The following DGUOK variants were observed in gnomAD, a reference collection of about 807,000 sequenced individuals.
DGUOK encodes the protein deoxyguanosine kinase, mitochondrial.
DGUOK carries 30 observed loss-of-function variants against 36.6 expected under a neutral mutation model. The ratio of observed to expected loss-of-function variants is 0.82; its 90% confidence interval spans 0.61 to 1.11. The LOEUF (loss-of-function observed/expected upper bound fraction) is 1.11, where lower values mean the gene tolerates loss of function less well. Ranked by LOEUF, DGUOK falls within the 50% of genes most tolerant of loss-of-function variation. The pLI, the probability that DGUOK is intolerant of heterozygous loss-of-function variation, is 0.00. For missense variants in DGUOK, 361 were observed against 336.4 expected, an observed-to-expected ratio of 1.07 and a Z score of -0.57; for synonymous variants, 145 against 126.3, an observed-to-expected ratio of 1.15 and a Z score of -0.99.
intron 2 of DGUOK, among the ~76,000 whole-genome samples, chr2:73,939,948 CTGGGG>C (rs905173301): frequency 4.1e-5 from 6 of 147,896 alleles, no homozygotes; most frequent in African/African-American, 1.5e-4. Context: ...GTCACCCAGG[CTGGGG>C]TGCAATGGTG....
chr2:73,938,819 G>C lies in DGUOK; in HGVS notation c.143-91G>C, dbSNP rs550134574. On this transcript the variant is annotated intron_variant, in intron 1 of 6. Transcript: ENST00000264093. ...TCAGAAAACTAATACTTGTTCCCTT[G>C]AGTTTGGGCGTTTGTGGCAGAGTTT... is the stretch of plus-strand genomic sequence containing the variant. 3.2e-4 allele frequency: 275 copies of C among 852,472 alleles called. 1 individual carries two copies. The highest frequency in any genetic ancestry group is 4.9e-4 in the Non-Finnish European group (240 of 487,286). 52.8% of individuals were successfully genotyped at this position (852,472 alleles called of 1,614,324 possible).
At chr2:73,956,482 A>C (rs6747283) in intron 4 of DGUOK, among the ~76,000 whole-genome samples, 6,355 of 152,288 alleles carry the variant, frequency 0.042, 431 homozygotes, top group African/African-American at 0.14. Flanking sequence ...GCCGTACTAC[A>C]GACGGGTGGA....
chr2:73,958,220 C>CCAAACAAGAAGACCTCATGA lies in DGUOK; in HGVS notation c.783_802dup (p.Arg268ThrfsTer7). ...AATGATGATTTTTCTGAGGAAGTAA[C>CCAAACAAGAAGACCTCATGA]CAAACAAGAAGACCTCATGAGAGAG... On this transcript the variant is annotated frameshift_variant, in exon 6 of 7. Coordinates refer to ENST00000264093, the MANE Select transcript of DGUOK (RefSeq NM_080916.3). LOFTEE classifies it high-confidence loss of function. 6.2e-7 allele frequency: 1 copy of CCAAACAAGAAGACCTCATGA among 1,613,686 alleles called. No homozygotes were observed. The highest frequency in any genetic ancestry group is 8.5e-7 in the Non-Finnish European group (1 of 1,179,726).
chr2:73,929,876 G>A (rs1216356250), intron 1 of DGUOK, among the ~76,000 whole-genome samples: 2 of 152,164 alleles, frequency 1.3e-5, no homozygotes, highest in Non-Finnish European at 2.9e-5. Flanking sequence ...GAAGTCATGG[G>A]GTGGTAGCTG....
chr2:73,953,301 C>T (rs1222331735), intron 4 of DGUOK, among the ~76,000 whole-genome samples: 1 of 136,162 alleles, frequency 7.3e-6, no homozygotes, highest in Non-Finnish European at 1.5e-5. Flanking sequence ...TCGTCGTCGT[C>T]GTCGTCGTCG....
chr2:73,952,778 G>T (rs753405108), intron 4 of DGUOK, among the ~76,000 whole-genome samples: 1 of 152,164 alleles, frequency 6.6e-6, no homozygotes, highest in Non-Finnish European at 1.5e-5. Context: ...AGAGGCTCTT[G>T]TTTCTGGGGA....
chr2:73,947,811 C>G (rs1019459849), intron 3 of DGUOK: 2 of 152,162 alleles, frequency 1.3e-5, no homozygotes, highest in Non-Finnish European at 2.9e-5. Context: ...TCTTAAGGCT[C>G]TTTGAATTAT....
intron 4 of DGUOK, among the ~76,000 whole-genome samples, chr2:73,952,914 A>T (rs1682800344): frequency 6.6e-6 from 1 of 152,174 alleles, no homozygotes; most frequent in Non-Finnish European, 1.5e-5. Context: ...ATTTTGGCTC[A>T]CAGTTATGGA....
intron 2 of DGUOK, among the ~76,000 whole-genome samples, chr2:73,944,054 G>T (rs1213397535): frequency 6.6e-6 from 1 of 152,150 alleles, no homozygotes; most frequent in Non-Finnish European, 1.5e-5. Context: ...CTGCAGCATT[G>T]CTTCTCAGCC....
intron 1 of DGUOK, among the ~76,000 whole-genome samples, chr2:73,929,143 G>C (rs1017932919): frequency 6.6e-6 from 1 of 151,788 alleles, no homozygotes; most frequent in Non-Finnish European, 1.5e-5. Context: ...GTGTGGTCTT[G>C]CCCTGTTGCC....
chr2:73,954,355 A>G (rs941711906), intron 4 of DGUOK, among the ~76,000 whole-genome samples: 4 of 151,602 alleles, frequency 2.6e-5, no homozygotes, highest in African/African-American at 9.7e-5. Flanking sequence ...ATAAATGAAT[A>G]AATAAATTTT....
In DGUOK at chr2:73,950,630, C is replaced by T. The variant is rs1470579771; in HGVS notation, c.489C>T (p.Asp163=). ...TTTTTGAAAATGGTTCCCTCAGTGA[C>T]ATCGAGTGGCATATCTATCAGGACT... is the stretch of plus-strand genomic sequence containing the variant. The part of the protein sequence containing the change: ...KNLFENGSLS[D]IEWHIYQDWH... The change falls in exon 4 of 7, where the codon GAC becomes GAT. Residue 163 remains aspartate (D), a synonymous_variant. Coordinates refer to ENST00000264093, the MANE Select transcript of DGUOK (RefSeq NM_080916.3). The T allele has an allele frequency of 1.2e-6, 2 of 1,614,140 alleles. No homozygotes were observed. The highest frequency in any genetic ancestry group is 1.7e-6 in the Non-Finnish European group (2 of 1,180,028).
chr2:73,950,509 TTCTCTC>T, intron 3 of DGUOK, 70 bp from the exon 4 acceptor site: 1 of 1,479,086 alleles, frequency 6.8e-7, no homozygotes, highest in Non-Finnish European at 9.4e-7. Flanking sequence ...ATTTTTCTGC[TTCTCTC>T]TCTCTCTCGT....
At chr2:73,936,554 G>A (rs920942211) in intron 1 of DGUOK, among the ~76,000 whole-genome samples, 3 of 152,124 alleles carry the variant, frequency 2.0e-5, no homozygotes, top group African/African-American at 4.8e-5. Flanking sequence ...AAATGTGTGG[G>A]TTCTTATGCT....
intron 4 of DGUOK, among the ~76,000 whole-genome samples, chr2:73,955,151 G>A (rs749807051): frequency 2.0e-5 from 3 of 152,170 alleles, no homozygotes; most frequent in Non-Finnish European, 4.4e-5. Flanking sequence ...ATAGATCAAT[G>A]TTAGTGTCAA....
intron 3 of DGUOK, chr2:73,947,731 G>A (rs1056577229): frequency 1.3e-5 from 2 of 152,382 alleles, no homozygotes; most frequent in Non-Finnish European, 2.9e-5. Context: ...CACTGCTGGA[G>A]TTTTTCTTAT....
chr2:73,932,515 G>T, intron 1 of DGUOK: 1 of 757,334 alleles, frequency 1.3e-6, no homozygotes, highest in Non-Finnish European at 2.0e-6. Context: ...TGATATCCAT[G>T]TGGAAGTTAG....
intron 1 of DGUOK, among the ~76,000 whole-genome samples, chr2:73,930,166 C>T (rs1680902103): frequency 6.6e-6 from 1 of 152,086 alleles, no homozygotes; most frequent in African/African-American, 2.4e-5. Flanking sequence ...GTGGTGGGAA[C>T]TTGGGAAGGT....
intron 3 of DGUOK, among the ~76,000 whole-genome samples, chr2:73,949,909 G>T (rs1024196433): frequency 2.0e-5 from 3 of 152,172 alleles, no homozygotes; most frequent in Admixed American, 6.5e-5. Context: ...TTGATTTTTA[G>T]CTTTAGCTTT....
Sources: allele counts gnomAD v4.1 joint callset (sites outside exome capture counted in the v4.1 genomes callset), GRCh38; gene constraint gnomAD v4.1.1; transcripts MANE v1.5; gene names NCBI Gene and HGNC (gene_info 2026-07-23, HGNC 2026-07-21).